FSCN2: variants seen among roughly 807,000 people sequenced by gnomAD.
FSCN2 encodes the protein fascin-2.
Under a neutral mutation model 37.8 loss-of-function variants are expected in FSCN2, and 46 were observed. The observed-to-expected ratio is 1.22, with a 90% confidence interval of 0.96 to 1.56. The LOEUF is 1.56. Ranked by LOEUF, FSCN2 falls within the 40% of genes most tolerant of loss-of-function variation. FSCN2 has a pLI of 0.00. For synonymous variants in FSCN2, 351 were observed against 309.4 expected, an observed-to-expected ratio of 1.13 and a Z score of -1.41; for missense variants, 844 against 730.4, an observed-to-expected ratio of 1.16 and a Z score of -1.79.
intron 1 of FSCN2, among the ~76,000 whole-genome samples, chr17:81,532,215 ATGG>A (rs1274066072): frequency 8.1e-6 from 1 of 124,218 alleles, no homozygotes; most frequent in Non-Finnish European, 1.7e-5. Context: ...GATGATAGTG[ATGG>A]TGATGATGAT....
chr17:81,535,422 CCCATCATCA>C (rs2032823692), intron 2 of FSCN2, among the ~76,000 whole-genome samples: 1 of 138,214 alleles, frequency 7.2e-6, no homozygotes, highest in Non-Finnish European at 1.5e-5. Flanking sequence ...CACCACCATC[CCCATCATCA>C]CCATCCCCAC....
At chr17:81,531,978 GTGATGA>G (rs757296737) in intron 1 of FSCN2, among the ~76,000 whole-genome samples, 7 of 133,646 alleles carry the variant, frequency 5.2e-5, no homozygotes, top group Non-Finnish European at 1.1e-4. Flanking sequence ...GATGATAATG[GTGATGA>G]TGATGGTGAT....
At chr17:81,517,048 C>T in the FSCN2 span, among the ~76,000 whole-genome samples, 1 of 152,178 alleles carries the variant, frequency 6.6e-6, no homozygotes, top group African/African-American at 2.4e-5. Context: ...AGGTCACATT[C>T]TGGGAGGTCA....
Position 81,528,668 on chromosome 17 carries a change from G to T in FSCN2, c.137G>T (p.Trp46Leu). The change falls in exon 1 of 5, where the codon TGG (tryptophan) becomes TTG (leucine). Residue 46 changes from tryptophan to leucine, a missense_variant. Coordinates refer to ENST00000417245, the MANE Select transcript of FSCN2 (RefSeq NM_012418.4). The part of the protein sequence containing the change: ...SAPSLKRKQT[W>L]VLEPDPGQGT... ...CCCAGCCTCAAGAGGAAGCAGACCT[G>T]GGTGCTGGAACCCGACCCAGGACAA... 2 of 1,602,068 alleles carry T rather than the reference G, an allele frequency of 1.2e-6. No individual in the cohort carries two copies. Among genetic ancestry groups the T allele is most frequent in the Non-Finnish European group, 1.7e-6 (2 of 1,175,136 alleles).
intron 1 of FSCN2, among the ~76,000 whole-genome samples, chr17:81,532,948 T>A (rs1458879077): frequency 1.3e-5 from 2 of 152,170 alleles, no homozygotes; most frequent in Non-Finnish European, 2.9e-5. Flanking sequence ...CTCGCCTCCC[T>A]GCCTTCAACA....
chr17:81,531,321 A>ATGG (rs1568077143), intron 1 of FSCN2, among the ~76,000 whole-genome samples: 125 of 86,568 alleles, frequency 1.4e-3, no homozygotes, highest in African/African-American at 6.6e-3. Flanking sequence ...GGTGGTGATG[A>ATGG]TGGTGGTGGT....
chr17:81,516,770 C>CCCTG, the FSCN2 span, among the ~76,000 whole-genome samples: 1 of 152,228 alleles, frequency 6.6e-6, no homozygotes, highest in African/African-American at 2.4e-5. Flanking sequence ...CCCACCCCAC[C>CCCTG]CCTGCGGAGT....
At position 81,531,268 on chromosome 17, in the gene FSCN2, TGATGGC is replaced by T. The variant is rs1555671231; in HGVS notation, c.826+1913_826+1918del. Among the ~76,000 whole-genome samples, 65 of 127,416 alleles carry T rather than the reference TGATGGC, an allele frequency of 5.1e-4. 2 individuals are homozygous for T. The highest frequency in any genetic ancestry group is 2.2e-3 in the African/African-American group (59 of 27,236). The allele number at this position is 127,416 out of a possible 152,430, so 83.6% of individuals were successfully genotyped here. A position where few individuals can be genotyped will look rare whatever the true frequency, so the allele number is the denominator to read the frequency against. On this transcript the variant is annotated intron_variant, in intron 1 of 4. Coordinates refer to ENST00000417245, the MANE Select transcript of FSCN2 (RefSeq NM_012418.4). ...ATGATGGTGATGGTGATGATGGTGGTGATGGCGGTGGTGATGGTGATGGTGGTGATG... is the reference window on the plus strand; with the variant it reads ...ATGATGGTGATGGTGATGATGGTGGTGGTGGTGATGGTGATGGTGGTGATG...
Position 81,528,511 on chromosome 17 carries a change from G to A in FSCN2, c.-21G>A, listed in dbSNP as rs781955920. The stretch of plus-strand genomic sequence containing the variant: ...CAGAGGGCGCATCCCAGGCCCCTCC[G>A]GGGACCCGGCCAGCCTGAAGATGCC... On this transcript the variant is annotated 5_prime_UTR_variant, in exon 1 of 5. Coordinates refer to ENST00000417245, the MANE Select transcript of FSCN2 (RefSeq NM_012418.4). 81 of 1,559,980 alleles carry A rather than the reference G, an allele frequency of 5.2e-5. No individual in the cohort carries two copies. The East Asian group carries it at 7.6e-4, about 15-fold the overall frequency.
chr17:81,517,305 C>T, the FSCN2 span, among the ~76,000 whole-genome samples: 3 of 152,124 alleles, frequency 2.0e-5, no homozygotes, highest in Admixed American at 6.5e-5. Context: ...GTTCTGGGCC[C>T]GGCTCAGCCC....
At chr17:81,524,384 G>A (rs371191757), upstream of FSCN2, among the ~76,000 whole-genome samples, 16 of 152,238 alleles carry the variant, frequency 1.1e-4, no homozygotes, top group African/African-American at 1.9e-4. Flanking sequence ...ACTGCCCACC[G>A]GGACAAGGCA....
At chr17:81,521,624 G>A in the FSCN2 span, among the ~76,000 whole-genome samples, 6 of 152,126 alleles carry the variant, frequency 3.9e-5, no homozygotes, top group African/African-American at 1.4e-4. Context: ...CACCCGACTT[G>A]GCCTCCCAAA....
At position 81,528,699 on chromosome 17, in the gene FSCN2, G is replaced by A. The variant is rs781817019; in HGVS notation, c.168G>A (p.Thr56=). 21 of 1,600,810 alleles carry A rather than the reference G, an allele frequency of 1.3e-5. No individual in the cohort carries two copies. In the South Asian group the frequency reaches 1.6e-4, roughly 12 times the overall value. The change falls in exon 1 of 5, where the codon ACG becomes ACA. Residue 56 remains threonine, a synonymous_variant. Transcript: ENST00000417245. ...TGGAACCCGACCCAGGACAAGGCAC[G>A]GCTGTGCTGCTCCGCAGCAGCCACC... ...WVLEPDPGQG[T]AVLLRSSHLG...
the FSCN2 span, among the ~76,000 whole-genome samples, chr17:81,518,469 G>T: frequency 1.3e-5 from 2 of 152,070 alleles, no homozygotes; most frequent in Non-Finnish European, 2.9e-5. Context: ...GGAGTTCCCA[G>T]CCCTGGAGGA....
the FSCN2 span, chr17:81,519,132 C>G: frequency 1.3e-5 from 2 of 152,344 alleles, no homozygotes; most frequent in Non-Finnish European, 2.9e-5. Flanking sequence ...TCAGGCAGGG[C>G]CCAGGGCTGC....
chr17:81,529,521 G>A, intron 1 of FSCN2, 164 bp downstream of exon 1: 1 of 789,980 alleles, frequency 1.3e-6, no homozygotes, highest in Non-Finnish European at 2.2e-6. Flanking sequence ...TCAGGGTGTA[G>A]GTGGGTGGGC....
upstream of FSCN2, among the ~76,000 whole-genome samples, chr17:81,525,637 A>C (rs1728371960): frequency 1.3e-5 from 2 of 152,002 alleles, no homozygotes; most frequent in South Asian, 4.2e-4. Flanking sequence ...AGGCAGGAGA[A>C]TCACATGAAC....
the FSCN2 span, among the ~76,000 whole-genome samples, chr17:81,518,556 G>T: frequency 2.0e-5 from 3 of 152,204 alleles, no homozygotes; most frequent in Admixed American, 6.5e-5. Context: ...TAACTCTAGG[G>T]CTGGGAGGGA....
Position 81,536,672 on chromosome 17 carries a change from C to T in FSCN2, c.1156C>T (p.Leu386=), listed in dbSNP as rs1307704730. 3.1e-6 allele frequency: 5 copies of T among 1,611,244 alleles called. No homozygotes were observed. Among genetic ancestry groups the T allele is most frequent in the Admixed American group, 1.7e-5 (1 of 59,930 alleles). Residue 386 remains leucine (L), a synonymous_variant, in exon 4 of 5, where the codon CTG becomes TTG. Transcript: ENST00000417245. ...LKLINRPILV[L]RGLDGFVCHH... Reference sequence around the variant, plus strand: ...GCTCATCAACCGGCCCATCCTGGTGCTGCGCGGCCTGGACGGCTTCGTCTG... The same window carrying T: ...GCTCATCAACCGGCCCATCCTGGTGTTGCGCGGCCTGGACGGCTTCGTCTG...
Sources: gnomAD v4.1 joint callset for allele counts (sites outside exome capture counted in the v4.1 genomes callset) on GRCh38, gnomAD v4.1.1 for gene constraint, MANE v1.5 for transcripts, NCBI Gene and HGNC (gene_info 2026-07-23, HGNC 2026-07-21) for gene names.